PLCB1: variants seen among roughly 807,000 people sequenced by gnomAD.
PLCB1 encodes the protein 1-phosphatidylinositol 4,5-bisphosphate phosphodiesterase beta-1.
PLCB1 carries 46 observed loss-of-function variants against 161.8 expected under a neutral mutation model. The ratio of observed to expected loss-of-function variants is 0.28; its 90% CI spans 0.22 to 0.36. PLCB1 has a LOEUF of 0.36. PLCB1 is among the 10% of genes least tolerant of loss of function. The pLI is 1.00. For synonymous variants in PLCB1, 517 were observed against 503.7 expected, an observed-to-expected ratio of 1.03 and a Z score of -0.35; for missense variants, 1,016 against 1,472.5, an observed-to-expected ratio of 0.69 and a Z score of 5.07.
chr20:8,234,958 G>A (rs1273412612), intron 2 of PLCB1, among the ~76,000 whole-genome samples: 8 of 152,014 alleles, frequency 5.3e-5, no homozygotes, highest in Admixed American at 5.2e-4. Context: ...AATTTGAGGG[G>A]TTCAGAAACA....
At chr20:8,397,657 C>A (rs950231164) in intron 3 of PLCB1, among the ~76,000 whole-genome samples, 2 of 152,124 alleles carry the variant, frequency 1.3e-5, no homozygotes, top group Non-Finnish European at 2.9e-5. Context: ...AATTGAGACA[C>A]CAGTTTTTTC....
At chr20:8,589,401 G>A (rs1168421714) in intron 3 of PLCB1, among the ~76,000 whole-genome samples, 1 of 152,032 alleles carries the variant, frequency 6.6e-6, no homozygotes, top group Non-Finnish European at 1.5e-5. Context: ...GTTTGGGCTG[G>A]TATAACAAAT....
chr20:8,477,496 G>A (rs1195121471), intron 3 of PLCB1, among the ~76,000 whole-genome samples: 3 of 152,132 alleles, frequency 2.0e-5, no homozygotes, highest in Non-Finnish European at 4.4e-5. Flanking sequence ...TAACTAGTGT[G>A]TATTAGCCCA....
intron 5 of PLCB1, among the ~76,000 whole-genome samples, chr20:8,647,609 A>T (rs1028872923): frequency 6.6e-6 from 1 of 152,226 alleles, no homozygotes; most frequent in African/African-American, 2.4e-5. Context: ...AGCCAAACAC[A>T]AGAGTATGAT....
At chr20:8,755,162 T>C (rs957392649) in intron 23 of PLCB1, among the ~76,000 whole-genome samples, 1 of 152,204 alleles carries the variant, frequency 6.6e-6, no homozygotes, top group Non-Finnish European at 1.5e-5. Flanking sequence ...GGATGATTTG[T>C]TGAATTAAAA....
intron 23 of PLCB1, among the ~76,000 whole-genome samples, chr20:8,743,011 G>A (rs960083615): frequency 2.0e-5 from 3 of 152,170 alleles, no homozygotes; most frequent in African/African-American, 7.2e-5. Context: ...GGAATAATTT[G>A]ACTTTTTCCA....
intron 3 of PLCB1, among the ~76,000 whole-genome samples, chr20:8,522,421 G>A (rs543332823): frequency 6.6e-6 from 1 of 151,926 alleles, no homozygotes; most frequent in Admixed American, 6.6e-5. Context: ...TCTTCTCCTG[G>A]AGTCCACTAA....
At position 8,639,447 on chromosome 20, in the gene PLCB1, A is replaced by G. The variant is rs533378513; in HGVS notation, c.385-6655A>G. On this transcript the variant is annotated intron_variant, in intron 4 of 31. Coordinates refer to ENST00000338037, the MANE Select transcript of PLCB1 (RefSeq NM_015192.4). ...GATAACAAGGCTGAGTGAGGCCCCT[A>G]TGATTCTCGTGGCCTTTTTCTCATA... 7.6e-4 allele frequency among the ~76,000 whole-genome samples: 116 copies of G among 152,294 alleles called. No homozygotes were observed. The South Asian group carries it at 7.7e-3, about 10-fold the overall frequency.
At chr20:8,672,132 A>G (rs989071981) in intron 9 of PLCB1, among the ~76,000 whole-genome samples, 1 of 152,166 alleles carries the variant, frequency 6.6e-6, no homozygotes, top group Admixed American at 6.5e-5. Flanking sequence ...TCAAATCCCA[A>G]CTTACTCACT....
At chr20:8,520,093 G>C (rs1297598787) in intron 3 of PLCB1, among the ~76,000 whole-genome samples, 1 of 152,216 alleles carries the variant, frequency 6.6e-6, no homozygotes, top group Non-Finnish European at 1.5e-5. Flanking sequence ...TTAGGTGACA[G>C]AATGATAAGA....
intron 24 of PLCB1, among the ~76,000 whole-genome samples, chr20:8,759,896 ATTTTTT>A (rs3033840): frequency 1.3e-5 from 1 of 78,260 alleles, no homozygotes; most frequent in East Asian, 4.0e-4. Context: ...ATAATATCAC[ATTTTTT>A]TTTTTTTTTT....
intron 3 of PLCB1, among the ~76,000 whole-genome samples, chr20:8,514,924 G>A (rs929506198): frequency 6.6e-6 from 1 of 152,168 alleles, no homozygotes; most frequent in Non-Finnish European, 1.5e-5. Context: ...TCAGGGGTTA[G>A]GCTAAGATTC....
At chr20:8,425,952 G>T (rs561311517) in intron 3 of PLCB1, among the ~76,000 whole-genome samples, 26 of 152,168 alleles carry the variant, frequency 1.7e-4, no homozygotes, top group African/African-American at 6.0e-4. Context: ...CATTTTTCTG[G>T]TATCTTCCAG....
intron 31 of PLCB1, among the ~76,000 whole-genome samples, chr20:8,876,497 A>G (rs545794676): frequency 2.6e-5 from 4 of 152,150 alleles, no homozygotes; most frequent in Non-Finnish European, 5.9e-5. Flanking sequence ...GCTTATGAGT[A>G]TTTTATGGGT....
At chr20:8,757,865 G>GAATAAATAAATAAATAAATA (rs147856693) in intron 24 of PLCB1, among the ~76,000 whole-genome samples, 6 of 148,750 alleles carry the variant, frequency 4.0e-5, no homozygotes, top group African/African-American at 1.5e-4. Flanking sequence ...ATGAATAAAT[G>GAATAAATAAATAAATAAATA]AATAAATAAA....
intron 2 of PLCB1, among the ~76,000 whole-genome samples, chr20:8,249,975 C>A (rs1252240535): frequency 6.6e-6 from 1 of 151,908 alleles, no homozygotes; most frequent in Admixed American, 6.6e-5. Flanking sequence ...GAGGCTCAAG[C>A]CTGTTGCCAG....
chr20:8,747,359 G>A (rs1005228442), intron 23 of PLCB1, among the ~76,000 whole-genome samples: 49 of 152,190 alleles, frequency 3.2e-4, no homozygotes, highest in African/African-American at 1.1e-3. Flanking sequence ...ACTTGGGAAA[G>A]TTGTCCTCTA....
intron 2 of PLCB1, among the ~76,000 whole-genome samples, chr20:8,326,796 A>C (rs927643802): frequency 7.9e-5 from 12 of 152,222 alleles, no homozygotes; most frequent in Non-Finnish European, 1.6e-4. Context: ...GGTCTGAAAC[A>C]CCACACTGAA....
intron 3 of PLCB1, among the ~76,000 whole-genome samples, chr20:8,479,515 C>T (rs1243521265): frequency 6.6e-6 from 1 of 152,210 alleles, no homozygotes; most frequent in Non-Finnish European, 1.5e-5. Context: ...CTTCCACTAA[C>T]AGGAAACATT....
Sources: allele counts gnomAD v4.1 joint callset (sites outside exome capture counted in the v4.1 genomes callset), GRCh38; gene constraint gnomAD v4.1.1; transcripts MANE v1.5; gene names NCBI Gene and HGNC (gene_info 2026-07-23, HGNC 2026-07-21).